The following UMODL1 variants were observed in gnomAD, a reference collection of about 807,000 sequenced individuals.
The protein encoded by UMODL1 is uromodulin-like 1.
In UMODL1, 128 loss-of-function variants were observed where a neutral mutation model predicts 136.3. The observed-to-expected ratio is 0.94, with a 90% CI of 0.81 to 1.09. The LOEUF is 1.09. Among genes scored for constraint, UMODL1 ranks in the 50% least tolerant of loss-of-function variants. The pLI, the probability that UMODL1 is intolerant of heterozygous loss-of-function variation, is 0.00. For synonymous variants in UMODL1, 721 were observed against 720.0 expected (o/e 1.00, Z -0.02); for missense variants, 1,766 against 1,725.6 (o/e 1.02, Z -0.41).
chr21:42,136,415 G>A (rs2067205701), intron 21 of UMODL1, among the ~76,000 whole-genome samples: 3 of 152,238 alleles, frequency 2.0e-5, no homozygotes, highest in Admixed American at 6.5e-5. Flanking sequence ...TTTCTGTTCA[G>A]TTCCGGGTAG....
chr21:42,082,755 C>T (rs2066376979), intron 2 of UMODL1, among the ~76,000 whole-genome samples: 1 of 152,204 alleles, frequency 6.6e-6, no homozygotes, highest in South Asian at 2.1e-4. Flanking sequence ...GCAGGCTCTG[C>T]GGCATCGGGC....
At position 42,111,021 on chromosome 21, in the gene UMODL1, C is replaced by A; in HGVS notation, c.1799C>A (p.Ala600Glu). The change falls in exon 11 of 23, where the codon GCA becomes GAA. Residue 600 changes from alanine (A) to glutamate (E), a missense_variant. Transcript: ENST00000408910. ...CCTGGGTACCCTCAGGGCACCCCGGCAGCAGGCCAGGCCTGGACCCCAGAG... is the reference window on the plus strand; with the variant it reads ...CCTGGGTACCCTCAGGGCACCCCGGAAGCAGGCCAGGCCTGGACCCCAGAG... ...PSPGYPQGTP[A>E]AGQAWTPEPS... The A allele has an allele frequency of 6.2e-7, 1 of 1,613,004 alleles. No individual in the cohort carries two copies.
chr21:42,066,670 A>G (rs2066185510), upstream of UMODL1, among the ~76,000 whole-genome samples: 1 of 152,224 alleles, frequency 6.6e-6, no homozygotes, highest in East Asian at 1.9e-4. Context: ...CTAGATACAG[A>G]CAATTAACAA....
In UMODL1 at chr21:42,077,039, G is replaced by A. The variant is rs556312392; in HGVS notation, c.319+792G>A. ...TGTGTGTGTGTGTGTGTGTGTGTGT[G>A]TGTGTGTGTGTGTGTGTGTGTGTGT... is the stretch of plus-strand genomic sequence containing the variant. On this transcript the variant is annotated intron_variant, in intron 2 of 22. Coordinates refer to ENST00000408910, the MANE Select transcript of UMODL1 (RefSeq NM_001004416.3). Among the ~76,000 whole-genome samples, 54 of 136,202 alleles carry A rather than the reference G, an allele frequency of 4.0e-4. 2 individuals are homozygous for A. In the South Asian group the frequency reaches 0.012, roughly 29 times the overall value. 89.4% of individuals were successfully genotyped at this position (136,202 alleles called of 152,430 possible). A position where few individuals can be genotyped will look rare whatever the true frequency, so the allele number is the denominator to read the frequency against.
rs112428028 is a variant in UMODL1, at chr21:42,103,947, C to A, written c.1379C>A (p.Ala460Glu). 4 of 1,614,116 alleles carry A rather than the reference C, an allele frequency of 2.5e-6. No homozygotes were observed. The highest frequency in any genetic ancestry group is 3.4e-6 in the Non-Finnish European group (4 of 1,180,022). The change falls in exon 9 of 23, where the codon GCG becomes GAG. Residue 460 changes from alanine to glutamate, a missense_variant. Ala to Glu is a moderately radical substitution (Grantham distance 107). Transcript: ENST00000408910. ...AGAATGCAGATCGTGTCTCTCCAGG[C>A]GGGAAGTGTGGTCGTGAGGCTCAAG... Reference protein sequence around the residue: ...KLRMQIVSLQAGSVVVRLKLT... With the variant: ...KLRMQIVSLQEGSVVVRLKLT...
At chr21:42,130,160 G>A (rs1015434873) in intron 21 of UMODL1, among the ~76,000 whole-genome samples, 1 of 152,124 alleles carries the variant, frequency 6.6e-6, no homozygotes, top group South Asian at 2.1e-4. Context: ...CTGACACTGG[G>A]TAAATACATC....
chr21:42,137,501 A>G lies in UMODL1; in HGVS notation c.3838A>G (p.Ile1280Val). The change falls in exon 22 of 23, where the codon ATC (isoleucine) becomes GTC (valine). Residue 1280 changes from isoleucine (I) to valine (V), a missense_variant. Transcript: ENST00000408910. ...AGYVVLIVVA[I>V]FVLVAGTATL... ...TTATGTGGTCCTTATTGTGGTGGCCATCTTCGTGCTGGTGGCGGGAACAGC... is the reference window on the plus strand; with the variant it reads ...TTATGTGGTCCTTATTGTGGTGGCCGTCTTCGTGCTGGTGGCGGGAACAGC... 1.2e-6 allele frequency: 2 copies of G among 1,614,238 alleles called. No homozygotes were observed. Among genetic ancestry groups the G allele is most frequent in the Non-Finnish European group, 1.7e-6 (2 of 1,180,048 alleles).
At chr21:42,072,049 A>AAACT (rs2066238347) in intron 1 of UMODL1, among the ~76,000 whole-genome samples, 1 of 151,522 alleles carries the variant, frequency 6.6e-6, no homozygotes, top group East Asian at 1.9e-4. Context: ...GCCCCCAAAC[A>AAACT]AACAAACAAA....
intron 21 of UMODL1, among the ~76,000 whole-genome samples, chr21:42,130,491 T>C (rs1029799138): frequency 1.3e-5 from 2 of 151,978 alleles, no homozygotes; most frequent in African/African-American, 4.8e-5. Flanking sequence ...GAGAAACCGC[T>C]AGTTGTCCCG....
intron 13 of UMODL1, among the ~76,000 whole-genome samples, chr21:42,114,749 G>A (rs1417483605): frequency 6.6e-6 from 1 of 152,260 alleles, no homozygotes; most frequent in Admixed American, 6.5e-5. Flanking sequence ...TTCACGAGCA[G>A]CTGGAGAGGA....
In UMODL1 at chr21:42,123,967, C is replaced by T. The variant is rs532486534; in HGVS notation, c.3147+817C>T. 5.9e-5 allele frequency among the ~76,000 whole-genome samples: 9 copies of T among 152,296 alleles called. No homozygotes were observed. The highest frequency in any genetic ancestry group is 1.2e-4 in the Non-Finnish European group (8 of 68,016). ...GTGGGTTTTCCTGGCCTGAGGCCTT[C>T]GCACCTCTGTGTGCACAGATGGGCT... On this transcript the variant is annotated intron_variant, in intron 17 of 22. Transcript: ENST00000408910. The surrounding 1 kb of genome is among the most constrained non-coding windows in gnomAD (Gnocchi z 4.4).
At chr21:42,117,569 T>C (rs1446241991) in intron 14 of UMODL1, among the ~76,000 whole-genome samples, 1 of 152,210 alleles carries the variant, frequency 6.6e-6, no homozygotes, top group Admixed American at 6.5e-5. Context: ...TCTCACATTG[T>C]AGATTTCCTG....
intron 9 of UMODL1, among the ~76,000 whole-genome samples, chr21:42,107,940 C>T (rs1322475975): frequency 6.6e-6 from 1 of 152,202 alleles, no homozygotes. Flanking sequence ...AGCGTCCTGC[C>T]CTGGGCTCTC....
At chr21:42,104,164 T>G in intron 9 of UMODL1, 77 bp downstream of exon 9, 1 of 1,406,970 alleles carries the variant, frequency 7.1e-7, no homozygotes, top group Non-Finnish European at 9.6e-7. Flanking sequence ...TTTGAGTCAG[T>G]CTTTCCTTTA....
At chr21:42,086,920 C>T (rs988279531) in intron 4 of UMODL1, among the ~76,000 whole-genome samples, 20 of 152,190 alleles carry the variant, frequency 1.3e-4, no homozygotes, top group African/African-American at 4.6e-4. Flanking sequence ...GAGCTGAGAT[C>T]GTGCCACTGC....
intron 1 of UMODL1, among the ~76,000 whole-genome samples, chr21:42,065,979 C>T (rs542646103): frequency 2.6e-5 from 4 of 152,344 alleles, no homozygotes; most frequent in Non-Finnish European, 5.9e-5. Context: ...GACTTGCATT[C>T]GCTCTTTTAC....
intron 4 of UMODL1, chr21:42,086,730 C>T: frequency 2.3e-6 from 1 of 430,818 alleles, no homozygotes; most frequent in Non-Finnish European, 4.7e-6. Flanking sequence ...CTTTGGGAGG[C>T]CGAGGCAGGC....
chr21:42,132,424 G>T (rs1269976528), intron 21 of UMODL1, among the ~76,000 whole-genome samples: 2 of 148,806 alleles, frequency 1.3e-5, no homozygotes, highest in Admixed American at 1.3e-4. Context: ...ACATTCATCT[G>T]TCATCCATCC....
intron 21 of UMODL1, among the ~76,000 whole-genome samples, chr21:42,134,425 C>T (rs78635389): frequency 5.1e-4 from 78 of 152,180 alleles, no homozygotes; most frequent in African/African-American, 1.7e-3. Context: ...GCTAAAAGGC[C>T]AAGAAATTTC....
Sources: gnomAD v4.1 joint callset for allele counts (sites outside exome capture counted in the v4.1 genomes callset) on GRCh38, gnomAD v4.1.1 for gene constraint, Gnocchi (gnomAD v3.1) non-coding constraint, MANE v1.5 for transcripts, NCBI Gene and HGNC (gene_info 2026-07-23, HGNC 2026-07-21) for gene names.